NRXN1: variants seen among roughly 807,000 people sequenced by gnomAD.
NRXN1 encodes the protein neurexin 1, also known as neurexin-1.
Under a neutral mutation model 150.9 loss-of-function variants are expected in NRXN1, and 39 were observed. That is an observed-to-expected ratio of 0.26 (90% CI 0.20 to 0.34). NRXN1 has a LOEUF of 0.34. NRXN1 is among the 10% of genes least tolerant of loss of function. The probability of loss-of-function intolerance (pLI) is 1.00; values close to 1 mark genes in which losing one functional copy is unlikely to be tolerated. For missense variants in NRXN1, 1,815 were observed against 1,949.9 expected (o/e 0.93, Z 1.30); for synonymous variants, 924 against 757.0 (o/e 1.22, Z -3.62).
intron 2 of NRXN1, among the ~76,000 whole-genome samples, chr2:50,944,984 A>T (rs949004231): frequency 6.6e-6 from 1 of 152,182 alleles, no homozygotes; most frequent in Admixed American, 6.5e-5. Flanking sequence ...TACATACTAT[A>T]AACTCAGACT....
intron 17 of NRXN1, among the ~76,000 whole-genome samples, chr2:50,392,615 A>G (rs771120169): frequency 3.3e-5 from 5 of 152,188 alleles, no homozygotes; most frequent in Non-Finnish European, 5.9e-5. Flanking sequence ...GGAAAAGGTG[A>G]ATTGATATAC....
At chr2:50,411,479 G>A (rs536546227) in intron 17 of NRXN1, among the ~76,000 whole-genome samples, 31 of 151,850 alleles carry the variant, frequency 2.0e-4, no homozygotes, top group Non-Finnish European at 3.1e-4. Context: ...GTCTCTGCCC[G>A]GCCGCCCATC....
rs201030629 is a variant in NRXN1, at chr2:50,472,489, T to A, written c.3071-18A>T. On this transcript the variant is annotated intron_variant, in intron 15 of 22. Transcript: ENST00000401669. ...TAAGTCACCTGCAAGAAGATCAAAG[T>A]CTTTGTTACAAAAGTACCATGTCAT... The A allele has an allele frequency of 1.9e-6, 3 of 1,603,790 alleles. No homozygotes were observed. The highest frequency in any genetic ancestry group is 1.1e-5 in the South Asian group (1 of 90,096).
intron 18 of NRXN1, chr2:50,175,211 C>G (rs1165093759): frequency 6.6e-6 from 1 of 152,154 alleles, no homozygotes; most frequent in Non-Finnish European, 1.5e-5. Flanking sequence ...TGATAAGAAC[C>G]CCTCCTGAAA....
At chr2:50,480,306 C>G (rs59031803) in intron 15 of NRXN1, among the ~76,000 whole-genome samples, 16 of 152,208 alleles carry the variant, frequency 1.1e-4, no homozygotes, top group African/African-American at 3.9e-4. Flanking sequence ...ATGCATGAAT[C>G]GTCTTCTCCA....
intron 2 of NRXN1, among the ~76,000 whole-genome samples, chr2:51,008,139 A>C (rs1486412466): frequency 6.6e-6 from 1 of 151,938 alleles, no homozygotes; most frequent in African/African-American, 2.4e-5. Context: ...TGGGAAATAC[A>C]TTCACACATA....
intron 21 of NRXN1, among the ~76,000 whole-genome samples, chr2:49,982,177 T>C (rs192141992): frequency 3.9e-4 from 59 of 152,214 alleles, no homozygotes; most frequent in South Asian, 1.0e-3. Context: ...TTTGGAGAGA[T>C]AGAAGATTGA....
At chr2:51,021,798 G>T (rs1669657991) in intron 2 of NRXN1, among the ~76,000 whole-genome samples, 2 of 151,764 alleles carry the variant, frequency 1.3e-5, no homozygotes, top group Admixed American at 1.3e-4. Flanking sequence ...CAAAGTAAAT[G>T]GTATCTTCAA....
chr2:50,960,163 GA>G (rs1445945241), intron 2 of NRXN1, among the ~76,000 whole-genome samples: 1 of 151,758 alleles, frequency 6.6e-6, no homozygotes, highest in African/African-American at 2.4e-5. Context: ...AAACATTAAA[GA>G]TCAGGTATTT....
chr2:50,913,510 T>A (rs774143718), intron 5 of NRXN1, among the ~76,000 whole-genome samples: 3 of 151,790 alleles, frequency 2.0e-5, no homozygotes, highest in Non-Finnish European at 4.4e-5. Context: ...TTATAAAGCA[T>A]AAGTTGTTTT....
At chr2:49,947,407 T>C (rs1673108964) in intron 21 of NRXN1, among the ~76,000 whole-genome samples, 1 of 152,012 alleles carries the variant, frequency 6.6e-6, no homozygotes, top group African/African-American at 2.4e-5. Context: ...GAGGTCACAA[T>C]TGGAATTCTG....
intron 5 of NRXN1, among the ~76,000 whole-genome samples, chr2:50,667,015 T>G (rs1464449797): frequency 6.6e-6 from 1 of 151,976 alleles, no homozygotes; most frequent in African/African-American, 2.4e-5. Flanking sequence ...TCATTTTGCT[T>G]TTAAGTAGCT....
At chr2:50,161,004 G>A (rs2059332482) in intron 18 of NRXN1, among the ~76,000 whole-genome samples, 1 of 152,034 alleles carries the variant, frequency 6.6e-6, no homozygotes, top group South Asian at 2.1e-4. Context: ...TAGGCTATTG[G>A]TCAGAAATGT....
intron 5 of NRXN1, chr2:50,841,219 T>C (rs1250115292): frequency 2.0e-5 from 3 of 152,630 alleles, no homozygotes; most frequent in African/African-American, 7.2e-5. Context: ...TTAAGCAGTA[T>C]CTTCCACACT....
intron 5 of NRXN1, among the ~76,000 whole-genome samples, chr2:50,713,451 GC>G (rs1297290490): frequency 6.6e-6 from 1 of 152,106 alleles, no homozygotes; most frequent in African/African-American, 2.4e-5. Context: ...ATTCAAAAGA[GC>G]CTAGATCTGG....
intron 12 of NRXN1, among the ~76,000 whole-genome samples, chr2:50,508,562 G>T (rs547005272): frequency 6.6e-6 from 1 of 151,964 alleles, no homozygotes; most frequent in African/African-American, 2.4e-5. Context: ...ATTTTTATAG[G>T]GAACTTTTTT....
chr2:50,384,319 A>T (rs2081170137), intron 17 of NRXN1, among the ~76,000 whole-genome samples: 1 of 151,916 alleles, frequency 6.6e-6, no homozygotes, highest in Non-Finnish European at 1.5e-5. Flanking sequence ...ATCCTGGCCA[A>T]CACGGTGAAA....
chr2:50,508,672 T>A lies in NRXN1; in HGVS notation c.2375-2055A>T, dbSNP rs185696103. The stretch of plus-strand genomic sequence containing the variant: ...AAAGGAAGCATACATAAGGGTGATA[T>A]CATCGTTATACCCCATCCTTGGCTT... On this transcript the variant is annotated intron_variant, in intron 12 of 22. Transcript: ENST00000401669. Among the ~76,000 whole-genome samples the A allele has an allele frequency of 4.1e-3, 620 of 152,242 alleles. 3 individuals carry two copies. Among genetic ancestry groups the A allele is most frequent in the Middle Eastern group, 0.031 (9 of 294 alleles).
intron 5 of NRXN1, among the ~76,000 whole-genome samples, chr2:50,683,646 A>AAAAAAAAAAAAAAAAAAAATATATAT: frequency 2.7e-4 from 4 of 14,906 alleles, no homozygotes; most frequent in African/African-American, 3.6e-4. Context: ...AAAAAAAAAA[A>AAAAAAAAAAAAAAAAAAAATATATAT]ATATATATAT....
Sources: allele counts gnomAD v4.1 joint callset (sites outside exome capture counted in the v4.1 genomes callset), GRCh38; gene constraint gnomAD v4.1.1; transcripts MANE v1.5; gene names NCBI Gene and HGNC (gene_info 2026-07-23, HGNC 2026-07-21).